Variants in FZR1 observed in about 807,000 individuals in gnomAD.
FZR1 encodes the protein fizzy-related protein homolog.
Under a neutral mutation model 63.6 loss-of-function variants are expected in FZR1, and 11 were observed. The observed-to-expected ratio is 0.17, with a 90% CI of 0.11 to 0.29. The LOEUF (loss-of-function observed/expected upper bound fraction) is 0.29. Ranked by LOEUF, FZR1 falls within the 10% of genes least tolerant of loss-of-function variation. FZR1 has a pLI of 1.00. For synonymous variants in FZR1, 328 were observed against 297.9 expected (o/e 1.10, Z -1.04); for missense variants, 440 against 687.5 (o/e 0.64, Z 4.03).
intron 2 of FZR1, among the ~76,000 whole-genome samples, chr19:3,524,445 C>G (rs1344916334): frequency 6.6e-6 from 1 of 152,232 alleles, no homozygotes; most frequent in African/African-American, 2.4e-5. Flanking sequence ...GACACAGAAC[C>G]ACCTTCAGAC....
intron 1 of FZR1, among the ~76,000 whole-genome samples, chr19:3,512,864 C>G (rs1280640878): frequency 6.6e-6 from 1 of 152,218 alleles, no homozygotes; most frequent in Non-Finnish European, 1.5e-5. Flanking sequence ...ATAAATGACA[C>G]TCCTGGGCGC....
At chr19:3,517,904 A>G (rs2083070520) in intron 1 of FZR1, among the ~76,000 whole-genome samples, 2 of 144,872 alleles carry the variant, frequency 1.4e-5, no homozygotes, top group African/African-American at 5.1e-5. Context: ...ACTGTTGCCC[A>G]GGCTGGAGTG....
chr19:3,508,895 C>A (rs1236045487), intron 1 of FZR1, among the ~76,000 whole-genome samples: 1 of 152,214 alleles, frequency 6.6e-6, no homozygotes, highest in Non-Finnish European at 1.5e-5. Context: ...CCCGTGAGGG[C>A]AGTGAGTGTG....
At chr19:3,510,990 C>T (rs545867270) in intron 1 of FZR1, among the ~76,000 whole-genome samples, 7 of 152,392 alleles carry the variant, frequency 4.6e-5, no homozygotes, top group African/African-American at 1.7e-4. Flanking sequence ...ACCGCCTCAC[C>T]TCGCCTGGGA....
intron 1 of FZR1, among the ~76,000 whole-genome samples, chr19:3,506,966 G>C (rs1360163020): frequency 6.6e-6 from 1 of 152,066 alleles, no homozygotes; most frequent in Non-Finnish European, 1.5e-5. Flanking sequence ...CGCTGAGCCT[G>C]TGGTGTGCGA....
Position 3,526,523 on chromosome 19 carries a change from C to T in FZR1, c.387+137C>T. 1 of 665,884 alleles carries T rather than the reference C, an allele frequency of 1.5e-6. No individual in the cohort carries two copies. Among genetic ancestry groups the T allele is most frequent in the Non-Finnish European group, 2.6e-6 (1 of 390,130 alleles). The allele number at this position is 665,884 out of a possible 1,614,324, so 41.2% of individuals were successfully genotyped here. The stretch of plus-strand genomic sequence containing the variant: ...ACGGCTCAGCACCCCCGCCCTGACC[C>T]TGTTCCTTAGCCAGGTCAGGGGCCC... On this transcript the variant is annotated intron_variant, in intron 5 of 13. Coordinates refer to ENST00000441788, the MANE Select transcript of FZR1 (RefSeq NM_016263.4). The surrounding 1 kb of genome is among the most constrained non-coding windows in gnomAD (Gnocchi z 5.4).
At chr19:3,530,023 TGG>T in intron 7 of FZR1, among the ~76,000 whole-genome samples, 1 of 118,818 alleles carries the variant, frequency 8.4e-6, no homozygotes, top group African/African-American at 3.6e-5. Flanking sequence ...GGTGAGTGGA[TGG>T]GAGAGTGGAT....
Position 3,533,334 on chromosome 19 carries a change from G to C in FZR1, c.1283G>C (p.Trp428Ser). 6.2e-7 allele frequency: 1 copy of C among 1,612,998 alleles called. No individual in the cohort carries two copies. Among genetic ancestry groups the C allele is most frequent in the Non-Finnish European group, 8.5e-7 (1 of 1,179,730 alleles). Residue 428 changes from tryptophan to serine, a missense_variant, in exon 12 of 14, where the codon TGG becomes TCG. Trp to Ser is a radical substitution (Grantham distance 177, BLOSUM62 -3). Around this residue, in one of 5 missense-constraint regions of FZR1, gnomAD observed 208 missense variants for 363.6 expected, o/e 0.57. Coordinates refer to ENST00000441788, the MANE Select transcript of FZR1 (RefSeq NM_016263.4). The surrounding 1 kb of genome is among the most constrained non-coding windows in gnomAD (Gnocchi z 4.9). ...TACTCACAGAACCAGATCCTTGTCT[G>C]GAAGTACCCCTCCCTGACCCAGGTG... ...HGYSQNQILVWKYPSLTQVAK... is the reference protein window; with the variant it reads ...HGYSQNQILVSKYPSLTQVAK...
intron 1 of FZR1, among the ~76,000 whole-genome samples, chr19:3,518,474 C>T (rs558132412): frequency 4.5e-4 from 68 of 152,232 alleles, no homozygotes; most frequent in African/African-American, 6.0e-4. Flanking sequence ...CACCAGGACA[C>T]GGGAAGGGCT....
intron 8 of FZR1, among the ~76,000 whole-genome samples, 177 bp from the exon 9 acceptor site, chr19:3,531,537 C>T (rs2083247232): frequency 6.6e-6 from 1 of 152,208 alleles, no homozygotes; most frequent in Non-Finnish European, 1.5e-5. Flanking sequence ...TGCCCGCCAC[C>T]CCAGCATGCA....
At chr19:3,520,453 G>A (rs1175677002) in intron 1 of FZR1, among the ~76,000 whole-genome samples, 1 of 152,226 alleles carries the variant, frequency 6.6e-6, no homozygotes, top group African/African-American at 2.4e-5. Context: ...GTGGTCGTGG[G>A]CATTGCTGCC....
chr19:3,509,313 G>C (rs909979201), intron 1 of FZR1, among the ~76,000 whole-genome samples: 8 of 152,158 alleles, frequency 5.3e-5, no homozygotes, highest in African/African-American at 1.9e-4. Flanking sequence ...CTGCCTGGCC[G>C]CGCCTCATTC....
chr19:3,532,673 C>T (rs1433410513), intron 11 of FZR1, 23 bp downstream of exon 11: 2 of 1,529,628 alleles, frequency 1.3e-6, no homozygotes, highest in Non-Finnish European at 1.8e-6. Context: ...GGCCCGGCCT[C>T]CCACCAGGCC....
chr19:3,534,729 A>G, intron 13 of FZR1, 66 bp from the exon 14 acceptor site: 1 of 1,436,396 alleles, frequency 7.0e-7, no homozygotes, highest in Non-Finnish European at 9.8e-7. Flanking sequence ...AGCCTTGGGG[A>G]CCCTCCAGGC....
At chr19:3,521,960 G>A (rs575264010) in intron 1 of FZR1, among the ~76,000 whole-genome samples, 3 of 151,114 alleles carry the variant, frequency 2.0e-5, no homozygotes, top group Non-Finnish European at 2.9e-5. Context: ...AGCCTCAGGC[G>A]ATCCTCCCAC....
intron 1 of FZR1, among the ~76,000 whole-genome samples, chr19:3,518,985 TG>T (rs2079876258): frequency 6.6e-6 from 1 of 152,330 alleles, no homozygotes; most frequent in South Asian, 2.1e-4. Context: ...GGTGGGGCTG[TG>T]GCCCTGTCAT....
intron 1 of FZR1, among the ~76,000 whole-genome samples, chr19:3,508,649 T>C (rs1006565621): frequency 6.6e-6 from 1 of 152,178 alleles, no homozygotes; most frequent in Non-Finnish European, 1.5e-5. Flanking sequence ...ATGGAAAGTC[T>C]GTGTGTGTAG....
chr19:3,519,439 G>C (rs543747991), intron 1 of FZR1, among the ~76,000 whole-genome samples: 1 of 152,334 alleles, frequency 6.6e-6, no homozygotes, highest in East Asian at 1.9e-4. Flanking sequence ...GGAGGGCGGA[G>C]GGCTGGCCTC....
Position 3,525,334 on chromosome 19 carries a change from C to A in FZR1, c.70-534C>A, listed in dbSNP as rs1238373944. Reference sequence around the variant, plus strand: ...TGCCTGGCAGCGTTGGGAGGCTGAGCCTGCCCGTGGGCCTGGCATCTCCCG... The same window carrying A: ...TGCCTGGCAGCGTTGGGAGGCTGAGACTGCCCGTGGGCCTGGCATCTCCCG... On this transcript the variant is annotated intron_variant, in intron 2 of 13. Coordinates refer to ENST00000441788, the MANE Select transcript of FZR1 (RefSeq NM_016263.4). The surrounding 1 kb of genome is among the most constrained non-coding windows in gnomAD (Gnocchi z 4.2). 1.3e-5 allele frequency among the ~76,000 whole-genome samples: 2 copies of A among 152,064 alleles called. No individual in the cohort carries two copies. Among genetic ancestry groups the A allele is most frequent in the Non-Finnish European group, 2.9e-5 (2 of 68,014 alleles).
Sources: gnomAD v4.1 joint callset for allele counts (sites outside exome capture counted in the v4.1 genomes callset) on GRCh38, gnomAD v4.1.1 for gene constraint, gnomAD v4.1.1 regional missense constraint, Gnocchi (gnomAD v3.1) non-coding constraint, MANE v1.5 for transcripts, NCBI Gene and HGNC (gene_info 2026-07-23, HGNC 2026-07-21) for gene names.